Variants in NRXN1 observed in about 807,000 individuals in gnomAD.
NRXN1 encodes neurexin 1.
A neutral mutation model predicts 150.9 loss-of-function variants in NRXN1; 39 were observed. The observed-to-expected ratio is 0.26, with a 90% confidence interval of 0.20 to 0.34. The LOEUF is 0.34. Among genes scored for constraint, NRXN1 ranks in the 10% least tolerant of loss-of-function variants. The probability of loss-of-function intolerance (pLI) is 1.00; values close to 1 mark genes in which losing one functional copy is unlikely to be tolerated. For missense variants in NRXN1, 1,815 were observed against 1,949.9 expected, an observed-to-expected ratio of 0.93 and a Z score of 1.30; for synonymous variants, 924 against 757.0, an observed-to-expected ratio of 1.22 and a Z score of -3.62.
At chr2:50,975,003 A>T (rs1253537390) in intron 2 of NRXN1, among the ~76,000 whole-genome samples, 1 of 151,934 alleles carries the variant, frequency 6.6e-6, no homozygotes, top group Non-Finnish European at 1.5e-5. Flanking sequence ...TGGTTCCCAA[A>T]ATGTGGTTCC....
intron 8 of NRXN1, among the ~76,000 whole-genome samples, chr2:50,564,059 T>C (rs377237697): frequency 6.3e-4 from 96 of 152,356 alleles, no homozygotes; most frequent in African/African-American, 2.2e-3. Context: ...ATAAAAACAA[T>C]GTGTTATAAG....
rs75044525 is a variant in NRXN1, at chr2:50,426,243, G to A, written c.3364+39199C>T. Among the ~76,000 whole-genome samples the A allele has an allele frequency of 6.6e-4, 101 of 152,268 alleles. No individual in the cohort carries two copies. In the East Asian group the frequency reaches 0.016, roughly 24 times the overall value. On this transcript the variant is annotated intron_variant, in intron 17 of 22. Coordinates refer to ENST00000401669, the MANE Select transcript of NRXN1 (RefSeq NM_001330078.2). ...TGCAAGCGTTAAAGCTTAAAGAACCGTGAATGCCACCAATTGTGTTTCTTA... is the reference window on the plus strand; with the variant it reads ...TGCAAGCGTTAAAGCTTAAAGAACCATGAATGCCACCAATTGTGTTTCTTA...
At chr2:50,703,319 A>G (rs1024449659) in intron 5 of NRXN1, among the ~76,000 whole-genome samples, 9 of 152,112 alleles carry the variant, frequency 5.9e-5, no homozygotes, top group African/African-American at 2.2e-4. Flanking sequence ...AGATCCAGGT[A>G]ACTCTTTTTT....
chr2:50,037,918 C>T (rs964379790), intron 21 of NRXN1, among the ~76,000 whole-genome samples: 13 of 152,054 alleles, frequency 8.5e-5, no homozygotes, highest in African/African-American at 1.7e-4. Flanking sequence ...TCAGAATCTG[C>T]TAAAAGTTGA....
intron 19 of NRXN1, among the ~76,000 whole-genome samples, chr2:50,062,151 A>C (rs1240617051): frequency 6.6e-6 from 1 of 152,172 alleles, no homozygotes; most frequent in East Asian, 1.9e-4. Flanking sequence ...AGATAATTTT[A>C]TTTGCCTATT....
chr2:50,058,232 A>G (rs765423292), intron 19 of NRXN1, among the ~76,000 whole-genome samples: 5 of 152,126 alleles, frequency 3.3e-5, no homozygotes, highest in Non-Finnish European at 7.4e-5. Context: ...TGAATTCCCA[A>G]TGATTAACAG....
intron 14 of NRXN1, 100 bp downstream of exon 14, chr2:50,497,233 C>G: frequency 1.1e-6 from 1 of 885,236 alleles, no homozygotes; most frequent in Non-Finnish European, 1.6e-6. Context: ...CGGCCCACCA[C>G]CTTATGAGCC....
chr2:50,595,155 G>A (rs1674952798), intron 8 of NRXN1, among the ~76,000 whole-genome samples: 2 of 151,986 alleles, frequency 1.3e-5, no homozygotes, highest in Non-Finnish European at 2.9e-5. Flanking sequence ...ATAGTAAGGA[G>A]GGCTTTTGAA....
intron 2 of NRXN1, among the ~76,000 whole-genome samples, chr2:50,970,156 G>GA (rs60159637): frequency 2.2e-4 from 34 of 152,258 alleles, no homozygotes; most frequent in Non-Finnish European, 4.1e-4. Flanking sequence ...AAGGTGGAGA[G>GA]AAAAAGTAAT....
intron 5 of NRXN1, among the ~76,000 whole-genome samples, chr2:50,829,055 C>G (rs964997355): frequency 2.6e-4 from 40 of 152,156 alleles, no homozygotes; most frequent in Non-Finnish European, 4.0e-4. Flanking sequence ...AGCAAAACCC[C>G]GTCTCCACCA....
At position 49,948,070 on chromosome 2, in the gene NRXN1, T is replaced by C. The variant is rs138406577; in HGVS notation, c.4129-4279A>G. ...TACAGTAGCTACATTGGTATTTTGT[T>C]GAACTAAGTACCATCTTTTACTGTC... On this transcript the variant is annotated intron_variant, in intron 21 of 22. Coordinates refer to ENST00000401669, the MANE Select transcript of NRXN1 (RefSeq NM_001330078.2). Among the ~76,000 whole-genome samples the C allele has an allele frequency of 5.4e-3, 829 of 152,224 alleles. 8 individuals are homozygous for C. Among genetic ancestry groups the C allele is most frequent in the African/African-American group, 0.019 (781 of 41,552 alleles).
At chr2:50,455,803 C>T (rs961999228) in intron 17 of NRXN1, among the ~76,000 whole-genome samples, 1 of 152,106 alleles carries the variant, frequency 6.6e-6, no homozygotes, top group Non-Finnish European at 1.5e-5. Flanking sequence ...AAGCTGGGCA[C>T]TCATCAAAGA....
chr2:50,694,155 T>C lies in NRXN1; in HGVS notation c.833-70540A>G, dbSNP rs563153226. Among the ~76,000 whole-genome samples, 144 of 152,324 alleles carry C rather than the reference T, an allele frequency of 9.5e-4. 1 individual carries two copies. The South Asian group carries it at 0.028, about 29-fold the overall frequency. On this transcript the variant is annotated intron_variant, in intron 5 of 22. Coordinates refer to ENST00000401669, the MANE Select transcript of NRXN1 (RefSeq NM_001330078.2). The stretch of plus-strand genomic sequence containing the variant: ...GTATGATTTAGCAAGTGATGTTTAA[T>C]GGCATTTTAAAATAATGGGTACCAA...
chr2:50,340,124 A>G (rs2077452247), intron 17 of NRXN1, among the ~76,000 whole-genome samples: 1 of 151,928 alleles, frequency 6.6e-6, no homozygotes, highest in Admixed American at 6.5e-5. Context: ...TGTCAGCAAA[A>G]TGATGATCAT....
intron 5 of NRXN1, among the ~76,000 whole-genome samples, chr2:50,693,020 G>A (rs565269978): frequency 6.6e-6 from 1 of 152,180 alleles, no homozygotes; most frequent in South Asian, 2.1e-4. Flanking sequence ...ATTGATGGGT[G>A]GACTAGAAAA....
At chr2:50,381,507 G>C (rs2080959855) in intron 17 of NRXN1, among the ~76,000 whole-genome samples, 3 of 143,034 alleles carry the variant, frequency 2.1e-5, no homozygotes, top group Admixed American at 1.4e-4. Context: ...AGTCTAAAGG[G>C]GACTCAGGCT....
intron 21 of NRXN1, among the ~76,000 whole-genome samples, chr2:50,011,843 ATTTTATT>A (rs2152546101): frequency 6.6e-6 from 1 of 152,244 alleles, no homozygotes; most frequent in African/African-American, 2.4e-5. Context: ...TGTTAAGCAC[ATTTTATT>A]TTTTATTTTC....
chr2:50,025,460 T>C (rs928208963), intron 21 of NRXN1, among the ~76,000 whole-genome samples: 1 of 152,180 alleles, frequency 6.6e-6, no homozygotes, highest in Admixed American at 6.5e-5. Context: ...GGCACATAAA[T>C]GACATGTGCA....
Position 50,536,951 on chromosome 2 carries a change from G to A in NRXN1, c.2143+1302C>T, listed in dbSNP as rs186009742. On this transcript the variant is annotated intron_variant, in intron 10 of 22. Coordinates refer to ENST00000401669, the MANE Select transcript of NRXN1 (RefSeq NM_001330078.2). ...TCTGTATCTATGTGATAACATACCC[G>A]TCTACTGACCCATCTAATTGCATGA... is the stretch of plus-strand genomic sequence containing the variant. Among the ~76,000 whole-genome samples, 126 of 152,188 alleles carry A rather than the reference G, an allele frequency of 8.3e-4. 1 individual carries two copies. The highest frequency in any genetic ancestry group is 3.2e-3 in the Admixed American group (49 of 15,268).
Sources: gnomAD v4.1 joint callset for allele counts (sites outside exome capture counted in the v4.1 genomes callset) on GRCh38, gnomAD v4.1.1 for gene constraint, MANE v1.5 for transcripts, NCBI Gene and HGNC (gene_info 2026-07-23, HGNC 2026-07-21) for gene names.